The following PCBD2 variants were observed in gnomAD, a reference collection of about 807,000 sequenced individuals.
PCBD2 encodes pterin-4-alpha-carbinolamine dehydratase 2.
Under a neutral mutation model 16.4 loss-of-function variants are expected in PCBD2, and 12 were observed. The observed-to-expected ratio is 0.73, with a 90% CI of 0.47 to 1.19. The LOEUF is 1.19. PCBD2 is among the 50% of genes most tolerant of loss of function. The probability of loss-of-function intolerance (pLI) is 0.00; values close to 1 mark genes in which losing one functional copy is unlikely to be tolerated. For synonymous variants in PCBD2, 58 were observed against 61.8 expected (o/e 0.94, Z 0.29); for missense variants, 138 against 156.8 (o/e 0.88, Z 0.64).
rs181258883 is a variant in PCBD2, at chr5:134,944,334, T to C, written c.217-14706T>C. Among the ~76,000 whole-genome samples, 26 of 152,284 alleles carry C rather than the reference T, an allele frequency of 1.7e-4. 1 individual carries two copies. The South Asian group carries it at 1.9e-3, about 11-fold the overall frequency. ...CCAGAAATGAACATGGTCAATGCCA[T>C]ATTGTGCTCTTTGTCTTTTTCTTCT... On this transcript the variant is annotated intron_variant, in intron 2 of 3. Transcript: ENST00000254908.
At chr5:134,957,620 A>T (rs1156954925) in intron 2 of PCBD2, among the ~76,000 whole-genome samples, 2 of 152,060 alleles carry the variant, frequency 1.3e-5, no homozygotes, top group African/African-American at 4.8e-5. Context: ...TTGAGGCTAC[A>T]GTGATCTATG....
chr5:134,919,996 C>G (rs1369892059), intron 2 of PCBD2, among the ~76,000 whole-genome samples: 1 of 152,164 alleles, frequency 6.6e-6, no homozygotes, highest in Admixed American at 6.5e-5. Flanking sequence ...CACTCACATT[C>G]CTGTGGCTGG....
At chr5:134,925,153 C>G (rs1159539791) in intron 2 of PCBD2, 6 of 397,804 alleles carry the variant, frequency 1.5e-5, no homozygotes, top group Non-Finnish European at 2.7e-5. Context: ...GGCTGGGAAG[C>G]GAGGCTGACC....
chr5:134,908,305 C>T (rs1355863968), intron 1 of PCBD2, among the ~76,000 whole-genome samples: 1 of 151,436 alleles, frequency 6.6e-6, no homozygotes, highest in Non-Finnish European at 1.5e-5. Context: ...AGGCGTGTGC[C>T]ACCATGCCCA....
chr5:134,961,440 T>C lies in PCBD2; in HGVS notation c.*759T>C, dbSNP rs77761204. ...AGCTGGGACTATAGGCACGTGCCAC[T>C]GCGCCTAGCTAATTTTTGTATTTTT... On this transcript the variant is annotated 3_prime_UTR_variant, in exon 4 of 4. Coordinates refer to ENST00000254908, the MANE Select transcript of PCBD2 (RefSeq NM_032151.5). Among the ~76,000 whole-genome samples the C allele has an allele frequency of 0.051, 7,739 of 150,978 alleles. 479 individuals carry two copies. The highest frequency in any genetic ancestry group is 0.15 in the African/African-American group (6,364 of 41,126).
At chr5:134,907,089 C>G (rs1561905191) in intron 1 of PCBD2, among the ~76,000 whole-genome samples, 1 of 152,206 alleles carries the variant, frequency 6.6e-6, no homozygotes, top group African/African-American at 2.4e-5. Context: ...TCAGAGAAAA[C>G]AGCTCAGTGT....
intron 3 of PCBD2, 108 bp downstream of exon 3, chr5:134,959,228 T>A: frequency 2.5e-6 from 2 of 786,900 alleles, no homozygotes; most frequent in Non-Finnish European, 4.0e-6. Flanking sequence ...AAGAAAGTCT[T>A]ATCCTTTCTC....
chr5:134,929,969 C>T (rs564624752), intron 2 of PCBD2, among the ~76,000 whole-genome samples: 1 of 152,332 alleles, frequency 6.6e-6, no homozygotes, highest in South Asian at 2.1e-4. Context: ...ATTGGGATTA[C>T]AGGCATGAGC....
At chr5:134,958,945 T>C in intron 2 of PCBD2, 95 bp from the exon 3 acceptor site, 1 of 910,076 alleles carries the variant, frequency 1.1e-6, no homozygotes, top group South Asian at 1.6e-5. Flanking sequence ...TAAGGATCCT[T>C]GCCTGCCTTT....
intron 2 of PCBD2, among the ~76,000 whole-genome samples, chr5:134,941,023 G>A (rs766439524): frequency 6.6e-6 from 1 of 151,338 alleles, no homozygotes; most frequent in Non-Finnish European, 1.5e-5. Context: ...GCTGAGGCAG[G>A]AGAATCGCTT....
chr5:134,938,432 G>A (rs1190070182), intron 2 of PCBD2, among the ~76,000 whole-genome samples: 3 of 152,202 alleles, frequency 2.0e-5, no homozygotes, highest in African/African-American at 7.2e-5. Context: ...TGTGGGTATT[G>A]ATGGAACTTC....
intron 1 of PCBD2, among the ~76,000 whole-genome samples, chr5:134,909,576 T>C (rs188986786): frequency 4.1e-4 from 63 of 152,334 alleles, no homozygotes; most frequent in African/African-American, 1.4e-3. Context: ...ACAGTTCAGC[T>C]TCTCTGGCTT....
intron 3 of PCBD2, 104 bp downstream of exon 3, chr5:134,959,224 G>A (rs111333840): frequency 4.9e-6 from 4 of 812,582 alleles, no homozygotes; most frequent in African/African-American, 1.8e-5. Flanking sequence ...ACTTAAGAAA[G>A]TCTTATCCTT....
intron 2 of PCBD2, among the ~76,000 whole-genome samples, chr5:134,920,133 A>G (rs1420769846): frequency 1.3e-5 from 2 of 152,190 alleles, no homozygotes; most frequent in African/African-American, 4.8e-5. Flanking sequence ...CTTTTAAACA[A>G]AACAAAGCAG....
At chr5:134,918,566 G>C (rs1750862310) in intron 2 of PCBD2, among the ~76,000 whole-genome samples, 1 of 152,180 alleles carries the variant, frequency 6.6e-6, no homozygotes, top group Admixed American at 6.5e-5. Flanking sequence ...GCTAGTGTTT[G>C]TGTGTCTGGC....
At chr5:134,947,195 C>T (rs541059684) in intron 2 of PCBD2, among the ~76,000 whole-genome samples, 12 of 151,126 alleles carry the variant, frequency 7.9e-5, no homozygotes, top group African/African-American at 2.4e-4. Context: ...TGGGTTCAAG[C>T]GATTATCCTG....
At chr5:134,951,725 T>A (rs1751360093) in intron 2 of PCBD2, among the ~76,000 whole-genome samples, 1 of 152,258 alleles carries the variant, frequency 6.6e-6, no homozygotes, top group South Asian at 2.1e-4. Flanking sequence ...TAATTTGTAT[T>A]TACCATGATT....
rs1473429834 is a variant in PCBD2, at chr5:134,915,722, G to A, written c.216+5256G>A. On this transcript the variant is annotated intron_variant, in intron 2 of 3. Coordinates refer to ENST00000254908, the MANE Select transcript of PCBD2 (RefSeq NM_032151.5). ...TGCCTCAGCCTCTCAAAGTATTGGG[G>A]TTATAGGCATGAGCCGCTGCACCAG... Among the ~76,000 whole-genome samples, 3 of 152,104 alleles carry A rather than the reference G, an allele frequency of 2.0e-5. No homozygotes were observed. The East Asian group carries it at 5.8e-4, about 29-fold the overall frequency.
At chr5:134,945,357 C>G (rs190327269) in intron 2 of PCBD2, among the ~76,000 whole-genome samples, 22 of 152,288 alleles carry the variant, frequency 1.4e-4, no homozygotes, top group Non-Finnish European at 1.2e-4. Flanking sequence ...CGTGGCAGAA[C>G]AGAATGGGAG....
Sources: gnomAD v4.1 joint callset for allele counts (sites outside exome capture counted in the v4.1 genomes callset) on GRCh38, gnomAD v4.1.1 for gene constraint, MANE v1.5 for transcripts, NCBI Gene and HGNC (gene_info 2026-07-23, HGNC 2026-07-21) for gene names.